ELOA: variants seen among roughly 807,000 people sequenced by gnomAD.
The protein encoded by ELOA is elongin A.
ELOA carries 15 observed loss-of-function variants against 85.2 expected under a neutral mutation model. The observed-to-expected ratio is 0.18, with a 90% confidence interval of 0.12 to 0.27. The LOEUF is 0.27. ELOA is among the 10% of genes least tolerant of loss of function. The probability of loss-of-function intolerance (pLI) is 1.00; values close to 1 mark genes in which losing one functional copy is unlikely to be tolerated. For missense variants in ELOA, 769 were observed against 952.7 expected (o/e 0.81, Z 2.54); for synonymous variants, 348 against 357.2 (o/e 0.97, Z 0.29).
intron 4 of ELOA, 92 bp downstream of exon 4, chr1:23,752,122 G>A: frequency 7.8e-7 from 1 of 1,283,550 alleles, no homozygotes; most frequent in African/African-American, 1.5e-5. Context: ...TCCTTAGCTT[G>A]CTTTTGGGGG....
intron 10 of ELOA, among the ~76,000 whole-genome samples, chr1:23,757,353 C>T (rs1644798916): frequency 6.6e-6 from 1 of 152,124 alleles, no homozygotes; most frequent in Non-Finnish European, 1.5e-5. Context: ...TGCCTGTAAT[C>T]CCAGCACTTT....
Position 23,755,983 on chromosome 1 carries a change from A to T in ELOA, c.1932A>T (p.Leu644=), listed in dbSNP as rs1644792895. ...CCCGAGAGCAGCGGCTACGAGTACT[A>T]ACAAAGAATATCCAGTTCGCACATG... ...QDAREQRLRV[L]TKNIQFAHAN... is the part of the protein sequence containing the mutation. Residue 644 remains leucine, a synonymous_variant, in exon 8 of 11, where the codon CTA becomes CTT. Coordinates refer to ENST00000613537, the MANE Select transcript of ELOA (RefSeq NM_003198.3). 2 of 1,613,754 alleles carry T rather than the reference A, an allele frequency of 1.2e-6. No homozygotes were observed. Among genetic ancestry groups the T allele is most frequent in the South Asian group, 2.2e-5 (2 of 91,072 alleles).
rs374698928 is a variant in ELOA at position 23,752,425 on chromosome 1, G to C, written c.1444G>C (p.Val482Leu). ...CCTGCAGGTGCCTGATGTGTTGCCA[G>C]TGTTGCCAGACCTCCCGTTACCCGC... is the stretch of plus-strand genomic sequence containing the variant. Reference protein sequence around the residue: ...KLRKVPDVLPVLPDLPLPAIQ... With the variant: ...KLRKVPDVLPLLPDLPLPAIQ... The change falls in exon 5 of 11, where the codon GTG (valine) becomes CTG (leucine). Residue 482 changes from valine (V) to leucine (L), a missense_variant. Physicochemically the swap from Val to Leu is conservative, Grantham distance 32. Coordinates refer to ENST00000613537, the MANE Select transcript of ELOA (RefSeq NM_003198.3). 1.2e-6 allele frequency: 2 copies of C among 1,613,966 alleles called. No individual in the cohort carries two copies. The highest frequency in any genetic ancestry group is 2.7e-5 in the African/African-American group (2 of 74,924).
At position 23,743,553 on chromosome 1, in the gene ELOA, T is replaced by G; in HGVS notation, c.50T>G (p.Leu17Arg). ...GTTGTGGAGAAGCTGCAGGCGCGCC[T>G]GGCCGCGAACCCGGACCCTAAGAAG... ...LQVVEKLQAR[L>R]AANPDPKKLL... Residue 17 changes from leucine (L) to arginine (R), a missense_variant, in exon 1 of 11, where the codon CTG becomes CGG. By Grantham distance (102) the Leu-to-Arg change is moderately radical. Around this residue, in one of 4 missense-constraint regions of ELOA, gnomAD observed 440 missense variants for 474.0 expected, o/e 0.93. Coordinates refer to ENST00000613537, the MANE Select transcript of ELOA (RefSeq NM_003198.3). The G allele has an allele frequency of 6.7e-7, 1 of 1,496,264 alleles. No individual in the cohort carries two copies. The highest frequency in any genetic ancestry group is 8.9e-7 in the Non-Finnish European group (1 of 1,127,978). The allele number at this position is 1,496,264 out of a possible 1,614,324, so 92.7% of individuals were successfully genotyped here. A position where few individuals can be genotyped will look rare whatever the true frequency, so the allele number is the denominator to read the frequency against.
At chr1:23,752,550 GA>G (rs987558806) in intron 5 of ELOA, 32 bp downstream of exon 5, 14 of 1,591,536 alleles carry the variant, frequency 8.8e-6, no homozygotes, top group South Asian at 1.1e-5. Flanking sequence ...TTCTTAATGG[GA>G]AAAAGATTTA....
chr1:23,755,797 A>T, intron 7 of ELOA, 46 bp from the exon 8 acceptor site: 2 of 1,495,814 alleles, frequency 1.3e-6, no homozygotes, highest in East Asian at 4.6e-5. Flanking sequence ...AAAAAAAAAT[A>T]TGGAAAAGTG....
chr1:23,753,763 G>T (rs1253551228), intron 5 of ELOA, among the ~76,000 whole-genome samples: 1 of 152,146 alleles, frequency 6.6e-6, no homozygotes, highest in Non-Finnish European at 1.5e-5. Context: ...GAGTCTTGCT[G>T]TGTTACTCAG....
At chr1:23,748,920 T>C in intron 1 of ELOA, 101 bp from the exon 2 acceptor site, 1 of 884,678 alleles carries the variant, frequency 1.1e-6, no homozygotes, top group Admixed American at 2.0e-5. Context: ...GGCATAATAC[T>C]TATACTCATT....
Position 23,749,932 on chromosome 1 carries a change from C to G in ELOA, c.223C>G (p.Leu75Val). Reference protein sequence around the residue: ...ARDLVAQWKKLVPVERNAEPD... With the variant: ...ARDLVAQWKKVVPVERNAEPD... ...GGACCTAGTGGCCCAGTGGAAGAAG[C>G]TGGTTCCTGTGGAACGGTAAGAACA... Residue 75 changes from leucine to valine, a missense_variant, in exon 3 of 11, where the codon CTG (leucine) becomes GTG (valine). By Grantham distance (32) the Leu-to-Val change is conservative. Coordinates refer to ENST00000613537, the MANE Select transcript of ELOA (RefSeq NM_003198.3). 1 of 1,613,590 alleles carries G rather than the reference C, an allele frequency of 6.2e-7. No individual in the cohort carries two copies. The highest frequency in any genetic ancestry group is 8.5e-7 in the Non-Finnish European group (1 of 1,179,676).
chr1:23,747,542 A>G (rs965451433), intron 1 of ELOA, among the ~76,000 whole-genome samples: 1 of 152,236 alleles, frequency 6.6e-6, no homozygotes, highest in Non-Finnish European at 1.5e-5. Flanking sequence ...GAATGGCATT[A>G]TGAGAGAACC....
At chr1:23,758,255 ATTTATTTTTTTTTT>A (rs1638235763) in intron 10 of ELOA, among the ~76,000 whole-genome samples, 1 of 36,192 alleles carries the variant, frequency 2.8e-5, no homozygotes, top group African/African-American at 1.5e-4. Context: ...CAATTTATTT[ATTTATTTTTTTTTT>A]TTTTTTTTTT....
rs1302468489 is a variant in ELOA, at chr1:23,743,489, G to A, written c.-15G>A. 1 of 1,504,828 alleles carries A rather than the reference G, an allele frequency of 6.6e-7. No homozygotes were observed. The highest frequency in any genetic ancestry group is 8.8e-7 in the Non-Finnish European group (1 of 1,132,530). The allele number at this position is 1,504,828 out of a possible 1,614,324, so 93.2% of individuals were successfully genotyped here. ...CGAGCCCAGTTCCGGCGAGGAGGCC[G>A]CGCCAGTGACAGCGATGGCGGCGGA... is the stretch of plus-strand genomic sequence containing the variant. On this transcript the variant is annotated 5_prime_UTR_variant, in exon 1 of 11. Transcript: ENST00000613537.
intron 5 of ELOA, among the ~76,000 whole-genome samples, chr1:23,752,848 C>T (rs557830981): frequency 3.9e-5 from 6 of 152,236 alleles, no homozygotes; most frequent in African/African-American, 1.4e-4. Context: ...GAGGCTGAGG[C>T]AGGAGAATTG....
Position 23,756,975 on chromosome 1 carries a change from A to G in ELOA, c.2107A>G (p.Met703Val). The change falls in exon 10 of 11, where the codon ATG becomes GTG. Residue 703 changes from methionine to valine, a missense_variant. Met to Val is a conservative substitution (Grantham distance 21). Coordinates refer to ENST00000613537, the MANE Select transcript of ELOA (RefSeq NM_003198.3). Reference protein sequence around the residue: ...KIKIKPAPYPMGSSHASASSI... With the variant: ...KIKIKPAPYPVGSSHASASSI... ...CAGGATCAAGCCAGCCCCGTACCCC[A>G]TGGGAAGCAGCCATGCTTCCGCCAG... The G allele has an allele frequency of 2.6e-6, 4 of 1,565,122 alleles. No homozygotes were observed. Among genetic ancestry groups the G allele is most frequent in the African/African-American group, 1.4e-5 (1 of 72,922 alleles).
chr1:23,759,338 C>G (rs1207602608), intron 10 of ELOA, among the ~76,000 whole-genome samples, 174 bp from the exon 11 acceptor site: 1 of 152,232 alleles, frequency 6.6e-6, no homozygotes, highest in Admixed American at 6.5e-5. Context: ...CCGAAAGTGT[C>G]TGCTCTGTGC....
At chr1:23,753,832 A>G (rs1328450497) in intron 5 of ELOA, among the ~76,000 whole-genome samples, 1 of 152,102 alleles carries the variant, frequency 6.6e-6, no homozygotes, top group Non-Finnish European at 1.5e-5. Flanking sequence ...AGGTTCAAGC[A>G]ATTCCTCTGC....
chr1:23,750,732 CTTG>C (rs1182764588), intron 3 of ELOA, 110 bp from the exon 4 acceptor site: 2 of 1,048,642 alleles, frequency 1.9e-6, no homozygotes, highest in Admixed American at 6.3e-5. Context: ...TTCTTAAGAC[CTTG>C]TTGTTTCTAA....
chr1:23,755,263 T>C (rs962132980), intron 7 of ELOA, among the ~76,000 whole-genome samples: 2 of 152,186 alleles, frequency 1.3e-5, no homozygotes, highest in African/African-American at 4.8e-5. Context: ...TTGATCGCAG[T>C]TCTACCCTTT....
chr1:23,743,643 G>C, intron 1 of ELOA, 65 bp downstream of exon 1: 1 of 1,394,388 alleles, frequency 7.2e-7, no homozygotes, highest in Non-Finnish European at 9.3e-7. Context: ...TAACGGTCGC[G>C]GCCCGAGCGT....
Sources: allele counts gnomAD v4.1 joint callset (sites outside exome capture counted in the v4.1 genomes callset), GRCh38; gene constraint gnomAD v4.1.1; regional missense constraint gnomAD v4.1.1; transcripts MANE v1.5; gene names NCBI Gene and HGNC (gene_info 2026-07-23, HGNC 2026-07-21).